RBFOX3: variants seen among roughly 807,000 people sequenced by gnomAD.
RBFOX3 encodes RNA binding fox-1 homolog 3.
In RBFOX3, 17 loss-of-function variants were observed where a neutral mutation model predicts 48.7. That is an observed-to-expected ratio of 0.35 (90% CI 0.24 to 0.52). RBFOX3 has a LOEUF of 0.52. Among genes scored for constraint, RBFOX3 ranks in the 20% least tolerant of loss-of-function variants. RBFOX3 has a pLI of 0.94. For synonymous variants in RBFOX3, 212 were observed against 209.5 expected (o/e 1.01, Z -0.10); for missense variants, 382 against 497.5 (o/e 0.77, Z 2.21).
intron 1 of RBFOX3, chr17:79,508,991 G>T (rs1272229157): frequency 6.6e-6 from 1 of 152,308 alleles, no homozygotes; most frequent in African/African-American, 2.4e-5. Flanking sequence ...GAAACACCTG[G>T]GGGGCTTGGA....
At chr17:79,441,814 C>A (rs1457153217) in intron 2 of RBFOX3, among the ~76,000 whole-genome samples, 1 of 152,166 alleles carries the variant, frequency 6.6e-6, no homozygotes, top group Non-Finnish European at 1.5e-5. Context: ...CAGGCCTCGG[C>A]CAGCCAGGGC....
chr17:79,504,946 G>A (rs940756103), intron 1 of RBFOX3, among the ~76,000 whole-genome samples: 2 of 152,198 alleles, frequency 1.3e-5, no homozygotes, highest in African/African-American at 2.4e-5. Flanking sequence ...GAGGCCTGGT[G>A]ATGTGGCCAT....
intron 1 of RBFOX3, among the ~76,000 whole-genome samples, chr17:79,486,315 T>C (rs1233422496): frequency 1.3e-5 from 2 of 152,140 alleles, no homozygotes; most frequent in Non-Finnish European, 2.9e-5. Flanking sequence ...GTCCAGTCTG[T>C]CTCGGGAGTG....
At chr17:79,489,207 G>C (rs2080111222) in intron 1 of RBFOX3, among the ~76,000 whole-genome samples, 1 of 142,280 alleles carries the variant, frequency 7.0e-6, no homozygotes, top group Non-Finnish European at 1.5e-5. Flanking sequence ...GCAGAGAGCG[G>C]AACATTTTAG....
chr17:79,310,943 A>C (rs1344398739), intron 2 of RBFOX3, among the ~76,000 whole-genome samples: 5 of 152,138 alleles, frequency 3.3e-5, no homozygotes, highest in African/African-American at 7.2e-5. Flanking sequence ...TCAGTCCAGC[A>C]CGTACCTAGG....
intron 2 of RBFOX3, among the ~76,000 whole-genome samples, chr17:79,442,363 GAGAGAGAGAGAGAGA>G (rs2071284743): frequency 1.5e-4 from 1 of 6,480 alleles, no homozygotes; most frequent in African/African-American, 9.9e-4. Context: ...AAGAGGGGGG[GAGAGAGAGAGAGAGA>G]GAGAGAGAGA....
chr17:79,274,494 C>G (rs1029809988), intron 3 of RBFOX3, among the ~76,000 whole-genome samples: 15 of 152,258 alleles, frequency 9.9e-5, no homozygotes, highest in African/African-American at 3.4e-4. Flanking sequence ...GCTGTGAGGC[C>G]GAGGAGTTGA....
rs138193563 is a variant in RBFOX3 at position 79,296,444 on chromosome 17, C to A, written c.-74+11280G>T. Among the ~76,000 whole-genome samples the A allele has an allele frequency of 1.7e-3, 265 of 152,264 alleles. 2 individuals are homozygous for A. Among genetic ancestry groups the A allele is most frequent in the African/African-American group, 5.7e-3 (238 of 41,546 alleles). On this transcript the variant is annotated intron_variant, in intron 3 of 14. Coordinates refer to ENST00000693108, the MANE Select transcript of RBFOX3 (RefSeq NM_001350451.2). Reference sequence around the variant, plus strand: ...GCTCTATGGGCCGACTTTGTTACACCTGCATATAAAAATGACAAGTGTAGT... The same window carrying A: ...GCTCTATGGGCCGACTTTGTTACACATGCATATAAAAATGACAAGTGTAGT...
At chr17:79,558,530 G>A (rs1287991874) in intron 1 of RBFOX3, among the ~76,000 whole-genome samples, 8 of 152,090 alleles carry the variant, frequency 5.3e-5, no homozygotes, top group Admixed American at 2.6e-4. Context: ...CTGCCCAGGA[G>A]GGAGGCAAGA....
intron 2 of RBFOX3, among the ~76,000 whole-genome samples, chr17:79,384,436 A>G (rs952479279): frequency 9.9e-5 from 15 of 152,092 alleles, no homozygotes; most frequent in African/African-American, 3.6e-4. Flanking sequence ...TTCCTGGCCC[A>G]AGAGTGTTCT....
At chr17:79,307,567 T>C (rs2076264900) in intron 3 of RBFOX3, among the ~76,000 whole-genome samples, 157 bp downstream of exon 3, 1 of 152,190 alleles carries the variant, frequency 6.6e-6, no homozygotes, top group Admixed American at 6.5e-5. Context: ...AACCCCATGG[T>C]GGGGACCCTC....
intron 1 of RBFOX3, among the ~76,000 whole-genome samples, chr17:79,486,660 G>C (rs908150388): frequency 6.6e-6 from 1 of 152,140 alleles, no homozygotes; most frequent in African/African-American, 2.4e-5. Flanking sequence ...AGGAGTCCAG[G>C]GAGAGGCTTA....
chr17:79,138,660 A>G (rs1020081951), intron 4 of RBFOX3, among the ~76,000 whole-genome samples: 27 of 103,710 alleles, frequency 2.6e-4, no homozygotes, highest in Non-Finnish European at 4.6e-4. Flanking sequence ...CATACACAGC[A>G]CATGCATTCA....
chr17:79,628,161 CT>C, the RBFOX3 span, among the ~76,000 whole-genome samples: 122 of 152,166 alleles, frequency 8.0e-4, no homozygotes, highest in African/African-American at 2.7e-3. Flanking sequence ...AACAGGTGTG[CT>C]GATCTATGCT....
chr17:79,235,622 C>T (rs1448582150), intron 4 of RBFOX3, 144 bp downstream of exon 4: 1 of 153,482 alleles, frequency 6.5e-6, no homozygotes, highest in Non-Finnish European at 1.5e-5. Context: ...CAAGCCTTCC[C>T]TCCACAGCCC....
chr17:79,197,045 C>T (rs548458301), intron 4 of RBFOX3, among the ~76,000 whole-genome samples: 2 of 152,250 alleles, frequency 1.3e-5, no homozygotes, highest in East Asian at 3.9e-4. Context: ...TTGGTATCTG[C>T]CCGGGAGGAA....
intron 2 of RBFOX3, among the ~76,000 whole-genome samples, chr17:79,469,735 A>G (rs1291046637): frequency 6.6e-6 from 1 of 152,054 alleles, no homozygotes; most frequent in Non-Finnish European, 1.5e-5. Context: ...AGAGGGAAGG[A>G]CCTCTAGTTA....
intron 1 of RBFOX3, among the ~76,000 whole-genome samples, chr17:79,540,637 A>G (rs1161216303): frequency 6.6e-6 from 1 of 152,188 alleles, no homozygotes; most frequent in Non-Finnish European, 1.5e-5. Flanking sequence ...CATGTCATTC[A>G]CATACCGCCG....
Position 79,363,760 on chromosome 17 carries a change from T to C in RBFOX3, c.-174-55936A>G, listed in dbSNP as rs2057335728. 6.6e-6 allele frequency among the ~76,000 whole-genome samples: 1 copy of C among 151,860 alleles called. No individual in the cohort carries two copies. Among genetic ancestry groups the C allele is most frequent in the South Asian group, 2.1e-4 (1 of 4,792 alleles). ...CCCTCCAGCCTCCATGCTCAGCCCG[T>C]CCGCCCCCCAGCAGCCTGGGTCTGA... is the stretch of plus-strand genomic sequence containing the variant. On this transcript the variant is annotated intron_variant, in intron 2 of 14. Transcript: ENST00000693108. The surrounding 1 kb of genome is among the most constrained non-coding windows in gnomAD (Gnocchi z 4.7).
Sources: allele counts gnomAD v4.1 joint callset (sites outside exome capture counted in the v4.1 genomes callset), GRCh38; gene constraint gnomAD v4.1.1; non-coding constraint Gnocchi (gnomAD v3.1); transcripts MANE v1.5; gene names NCBI Gene and HGNC (gene_info 2026-07-23, HGNC 2026-07-21).